The following RDX variants were observed in gnomAD, a reference collection of about 807,000 sequenced individuals.
RDX encodes the protein radixin, also known as deafness, autosomal recessive 24.
RDX carries 32 observed loss-of-function variants against 83.7 expected under a neutral mutation model. The observed-to-expected ratio is 0.38, with a 90% CI of 0.29 to 0.51. The LOEUF is 0.51. Among genes scored for constraint, RDX ranks in the 20% least tolerant of loss-of-function variants. RDX has a pLI of 0.87. For missense variants in RDX, 600 were observed against 689.9 expected, an observed-to-expected ratio of 0.87 and a Z score of 1.46; for synonymous variants, 229 against 222.7, an observed-to-expected ratio of 1.03 and a Z score of -0.25.
chr11:110,210,859 C>T (rs933391022), intron 14 of RDX, among the ~76,000 whole-genome samples: 1 of 152,066 alleles, frequency 6.6e-6, no homozygotes, highest in African/African-American at 2.4e-5. Context: ...TGGAAAGGAA[C>T]AACCAGTACC....
chr11:110,295,340 T>C (rs1861403799), intron 1 of RDX, among the ~76,000 whole-genome samples: 1 of 150,362 alleles, frequency 6.7e-6, no homozygotes, highest in South Asian at 2.1e-4. Context: ...AGTATGCTCC[T>C]TAAACAATAG....
At chr11:110,270,461 G>A (rs1860258605) in intron 3 of RDX, among the ~76,000 whole-genome samples, 1 of 148,128 alleles carries the variant, frequency 6.8e-6, no homozygotes, top group Non-Finnish European at 1.5e-5. Flanking sequence ...TGATCGAAAT[G>A]TCATTATGCG....
At chr11:110,209,011 C>T (rs542342150) in intron 14 of RDX, among the ~76,000 whole-genome samples, 4 of 152,270 alleles carry the variant, frequency 2.6e-5, no homozygotes, top group East Asian at 3.9e-4. Context: ...GGAACAGCTC[C>T]GGTCTACAGC....
At chr11:110,259,066 C>G (rs114688170) in intron 5 of RDX, among the ~76,000 whole-genome samples, 15,409 of 151,552 alleles carry the variant, frequency 0.1, 945 homozygotes, top group Non-Finnish European at 0.13. Context: ...TACAGGCGTG[C>G]GCCATAATGC....
intron 14 of RDX, among the ~76,000 whole-genome samples, chr11:110,201,032 CGCGCATGGTG>C (rs1863380491): frequency 6.6e-6 from 1 of 151,904 alleles, no homozygotes; most frequent in Non-Finnish European, 1.5e-5. Flanking sequence ...GAAAATTAAC[CGCGCATGGTG>C]GCGCATGCCT....
intron 7 of RDX, 138 bp from the exon 8 acceptor site, chr11:110,255,523 T>C (rs45487799): frequency 1.7e-4 from 107 of 634,052 alleles, no homozygotes; most frequent in Middle Eastern, 5.5e-4. Context: ...ATAACTACAG[T>C]TGACCTTATC....
At chr11:110,258,212 A>G (rs749507615) in intron 5 of RDX, 23 bp from the exon 6 acceptor site, 21 of 1,485,464 alleles carry the variant, frequency 1.4e-5, no homozygotes, top group African/African-American at 8.4e-5. Context: ...AAAAAAAAAA[A>G]AAATTATAAT....
In RDX at chr11:110,254,193, T is replaced by A. The variant is rs1490582931; in HGVS notation, c.796-84A>T. On this transcript the variant is annotated intron_variant, in intron 8 of 13. Transcript: ENST00000645495. ...ATCTGTACTAAATTTTAACATGAGG[T>A]ATGAATTTTAATGTCATATTACATA... The A allele has an allele frequency of 5.3e-6, 6 of 1,138,562 alleles. No individual in the cohort carries two copies. The South Asian group carries it at 7.9e-5, about 15-fold the overall frequency. 70.5% of individuals were successfully genotyped at this position (1,138,562 alleles called of 1,614,324 possible).
At chr11:110,176,210 C>T (rs34603046) in intron 15 of RDX, among the ~76,000 whole-genome samples, 2,959 of 151,836 alleles carry the variant, frequency 0.019, 37 homozygotes, top group Non-Finnish European at 0.029. Flanking sequence ...ACCACAGGTG[C>T]GCACCACCAC....
Position 110,246,438 on chromosome 11 carries a change from C to T in RDX, c.1090+1265G>A, listed in dbSNP as rs936625249. On this transcript the variant is annotated intron_variant, in intron 10 of 13. Coordinates refer to ENST00000645495, the MANE Select transcript of RDX (RefSeq NM_002906.4). Reference sequence around the variant, plus strand: ...TCCAAAAAACGTGAAATCTGAAATGCTACAAAATCCAAAACTTTTTAAGCA... The same window carrying T: ...TCCAAAAAACGTGAAATCTGAAATGTTACAAAATCCAAAACTTTTTAAGCA... 2.6e-5 allele frequency among the ~76,000 whole-genome samples: 4 copies of T among 151,920 alleles called. No individual in the cohort carries two copies. In the East Asian group the frequency reaches 5.8e-4, roughly 22 times the overall value.
chr11:110,266,056 G>A (rs1038105955), intron 3 of RDX, among the ~76,000 whole-genome samples: 20 of 152,120 alleles, frequency 1.3e-4, no homozygotes, highest in African/African-American at 4.6e-4. Context: ...TGTGCGCAGT[G>A]GCTCACGTCT....
At chr11:110,223,362 T>A (rs540339541) in intron 14 of RDX, among the ~76,000 whole-genome samples, 1 of 150,668 alleles carries the variant, frequency 6.6e-6, no homozygotes, top group African/African-American at 2.4e-5. Context: ...CAAAAAATAA[T>A]AATAAAAAAC....
intron 10 of RDX, among the ~76,000 whole-genome samples, chr11:110,246,749 CAAA>C (rs58535261): frequency 1.4e-5 from 2 of 139,860 alleles, no homozygotes; most frequent in Non-Finnish European, 1.5e-5. Context: ...GACTGTGTCT[CAAA>C]AAAAAAAAAA....
intron 10 of RDX, among the ~76,000 whole-genome samples, chr11:110,242,444 A>T (rs542553803): frequency 9.4e-4 from 137 of 146,436 alleles, no homozygotes; most frequent in African/African-American, 3.2e-3. Context: ...CAAAAAATTT[A>T]AAAAAAAAAA....
chr11:110,212,926 A>G (rs1863894225), intron 14 of RDX, among the ~76,000 whole-genome samples: 2 of 131,198 alleles, frequency 1.5e-5, no homozygotes, highest in African/African-American at 6.1e-5. Context: ...AAACTGGCAC[A>G]AGACAGGGAT....
chr11:110,266,073 C>T (rs1455316507), intron 3 of RDX, among the ~76,000 whole-genome samples: 2 of 151,948 alleles, frequency 1.3e-5, no homozygotes, highest in Non-Finnish European at 2.9e-5. Context: ...GTCTGTAATC[C>T]CAGCACTTTG....
chr11:110,193,572 T>A (rs1016953589), intron 15 of RDX, among the ~76,000 whole-genome samples: 9 of 152,224 alleles, frequency 5.9e-5, no homozygotes, highest in Admixed American at 1.3e-4. Context: ...TCCTCTCAAC[T>A]GCACATTTTT....
At chr11:110,278,120 T>G (rs1381619268) in intron 2 of RDX, among the ~76,000 whole-genome samples, 2 of 152,232 alleles carry the variant, frequency 1.3e-5, no homozygotes, top group African/African-American at 4.8e-5. Flanking sequence ...ATATGTGTGT[T>G]GGTGTATTTT....
In RDX at chr11:110,201,162, G is replaced by A. The variant is rs188101350; in HGVS notation, c.1749-1484C>T. 8.7e-3 allele frequency among the ~76,000 whole-genome samples: 955 copies of A among 109,776 alleles called. 19 individuals are homozygous for A. Among genetic ancestry groups the A allele is most frequent in the African/African-American group, 0.031 (850 of 27,214 alleles). The allele number at this position is 109,776 out of a possible 152,430, so 72.0% of individuals were successfully genotyped here. The stretch of plus-strand genomic sequence containing the variant: ...TTACACTCCAGCCTGGGCAAGAAGA[G>A]CAAAACTCCCGTCTCAAAAAAAAAA... On this transcript the variant is annotated intron_variant, in intron 14 of 15. Transcript: ENST00000528498.
Sources: gnomAD v4.1 joint callset for allele counts (sites outside exome capture counted in the v4.1 genomes callset) on GRCh38, gnomAD v4.1.1 for gene constraint, MANE v1.5 for transcripts, NCBI Gene and HGNC (gene_info 2026-07-23, HGNC 2026-07-21) for gene names.